ATF7IP2: variants seen among roughly 807,000 people sequenced by gnomAD.
The protein encoded by ATF7IP2 is activating transcription factor 7-interacting protein 2.
ATF7IP2 carries 42 observed loss-of-function variants against 64.2 expected under a neutral mutation model. The observed-to-expected ratio is 0.65, with a 90% CI of 0.51 to 0.85. The LOEUF (loss-of-function observed/expected upper bound fraction) is 0.85. Among genes scored for constraint, ATF7IP2 ranks in the 40% least tolerant of loss-of-function variants. The probability of loss-of-function intolerance (pLI) is 0.00; values close to 1 mark genes in which losing one functional copy is unlikely to be tolerated. For missense variants in ATF7IP2, 933 were observed against 784.2 expected (o/e 1.19, Z -2.27); for synonymous variants, 308 against 272.8 (o/e 1.13, Z -1.27).
chr16:10,439,972 C>G (rs2048558606), intron 7 of ATF7IP2, among the ~76,000 whole-genome samples: 2 of 151,686 alleles, frequency 1.3e-5, no homozygotes, highest in Admixed American at 6.6e-5. Flanking sequence ...ACCAGCCTGA[C>G]CAACATGGAG....
intron 2 of ATF7IP2, among the ~76,000 whole-genome samples, chr16:10,418,628 A>G (rs916955543): frequency 5.6e-4 from 86 of 152,314 alleles, no homozygotes; most frequent in African/African-American, 1.9e-3. Context: ...AGCTCCTTCA[A>G]GCACTCCAGT....
chr16:10,438,325 G>A, intron 7 of ATF7IP2, 90 bp downstream of exon 7: 1 of 1,329,418 alleles, frequency 7.5e-7, no homozygotes, highest in Non-Finnish European at 1.0e-6. Context: ...GCTCACTGCA[G>A]CCTCTGCCTT....
chr16:10,423,027 GA>G (rs2048017334), intron 3 of ATF7IP2, among the ~76,000 whole-genome samples: 1 of 152,188 alleles, frequency 6.6e-6, no homozygotes, highest in Admixed American at 6.5e-5. Flanking sequence ...GGCAGATCAC[GA>G]GGTCAGGAGA....
intron 9 of ATF7IP2, among the ~76,000 whole-genome samples, chr16:10,458,730 T>C (rs1203836042): frequency 6.6e-6 from 1 of 152,220 alleles, no homozygotes; most frequent in Non-Finnish European, 1.5e-5. Flanking sequence ...ACCCTAATAG[T>C]ATTATAAAAT....
chr16:10,482,037 C>G lies in ATF7IP2; in HGVS notation c.1837C>G (p.Leu613Val). 6.2e-7 allele frequency: 1 copy of G among 1,613,852 alleles called. No individual in the cohort carries two copies. Among genetic ancestry groups the G allele is most frequent in the Non-Finnish European group, 8.5e-7 (1 of 1,179,822 alleles). ...PKCAPVESYH[L>V]FLCHENSNNK... ...GTGTGCTCCTGTAGAAAGCTACCACCTCTTCCTGTGTCATGAGAACTCTAA... is the reference window on the plus strand; with the variant it reads ...GTGTGCTCCTGTAGAAAGCTACCACGTCTTCCTGTGTCATGAGAACTCTAA... The change falls in exon 14 of 14, where the codon CTC (leucine) becomes GTC (valine). Residue 613 changes from leucine (L) to valine (V), a missense_variant. By Grantham distance (32) the Leu-to-Val change is conservative (BLOSUM62 1). Coordinates refer to ENST00000562102, the MANE Select transcript of ATF7IP2 (RefSeq NM_001393719.1).
chr16:10,402,847 C>T (rs2047561606), intron 1 of ATF7IP2, among the ~76,000 whole-genome samples: 1 of 151,060 alleles, frequency 6.6e-6, no homozygotes, highest in African/African-American at 2.4e-5. Flanking sequence ...GCTGAGGCAG[C>T]AGGTTTGCTT....
intron 1 of ATF7IP2, among the ~76,000 whole-genome samples, chr16:10,395,414 G>C (rs375254743): frequency 1.3e-5 from 2 of 152,124 alleles, no homozygotes; most frequent in African/African-American, 4.8e-5. Flanking sequence ...AAATAGAAGA[G>C]GACAGAACAT....
chr16:10,452,413 G>A (rs1312550703), intron 8 of ATF7IP2, among the ~76,000 whole-genome samples: 1 of 152,176 alleles, frequency 6.6e-6, no homozygotes, highest in Non-Finnish European at 1.5e-5. Flanking sequence ...GACCTTGTTT[G>A]CCTGGGTATC....
chr16:10,419,795 A>G (rs114140023), intron 3 of ATF7IP2, among the ~76,000 whole-genome samples, 172 bp downstream of exon 3: 1,556 of 152,234 alleles, frequency 0.01, 29 homozygotes, highest in African/African-American at 0.035. Context: ...TTGGCTGTTG[A>G]TTCAGTCCTG....
chr16:10,472,079 T>C lies in ATF7IP2; in HGVS notation c.1353-31T>C, dbSNP rs901344222. 2.3e-6 allele frequency: 3 copies of C among 1,286,168 alleles called. No homozygotes were observed. In the African/African-American group the frequency reaches 4.4e-5, roughly 19 times the overall value. 79.7% of individuals were successfully genotyped at this position (1,286,168 alleles called of 1,614,324 possible). A position where few individuals can be genotyped will look rare whatever the true frequency, so the allele number is the denominator to read the frequency against. ...TTAAGCCTGATAATGCATGTTTAGTTTTTGTTTTTAATTTCTTTTTATCAT... is the reference window on the plus strand; with the variant it reads ...TTAAGCCTGATAATGCATGTTTAGTCTTTGTTTTTAATTTCTTTTTATCAT... On this transcript the variant is annotated intron_variant, in intron 9 of 13. Transcript: ENST00000562102.
intron 12 of ATF7IP2, among the ~76,000 whole-genome samples, chr16:10,477,416 A>G (rs1307542560): frequency 6.6e-6 from 1 of 152,210 alleles, no homozygotes; most frequent in African/African-American, 2.4e-5. Context: ...GCCTTTGACA[A>G]AATTCAACAA....
At chr16:10,471,910 G>T (rs1230085902) in intron 9 of ATF7IP2, 200 bp from the exon 10 acceptor site, 2 of 377,558 alleles carry the variant, frequency 5.3e-6, no homozygotes, top group South Asian at 5.7e-5. Context: ...GGATTTTGAT[G>T]AATCTTTAGT....
Position 10,473,957 on chromosome 16 carries a change from T to G in ATF7IP2, c.1517T>G (p.Leu506Trp), listed in dbSNP as rs1567176863. Residue 506 changes from leucine to tryptophan, a missense_variant, in exon 12 of 14, where the codon TTG becomes TGG. Transcript: ENST00000562102. ...VQKKLDSIIDLTKEGLSNCNT... is the reference protein window; with the variant it reads ...VQKKLDSIIDWTKEGLSNCNT... ...AAGAAACTTGATTCTATAATTGATT[T>G]GACAAAAGAAGGCCTATCCAACTGC... The G allele has an allele frequency of 6.3e-7, 1 of 1,593,928 alleles. No individual in the cohort carries two copies. Among genetic ancestry groups the G allele is most frequent in the Non-Finnish European group, 8.6e-7 (1 of 1,165,408 alleles).
intron 12 of ATF7IP2, 55 bp downstream of exon 12, chr16:10,474,044 C>T: frequency 8.8e-7 from 1 of 1,137,118 alleles, no homozygotes; most frequent in Non-Finnish European, 1.3e-6. Context: ...GGTAACAACT[C>T]ATAATGCACT....
rs1399125736 is a variant in ATF7IP2 at position 10,474,009 on chromosome 16, C to G, written c.1549+20C>G. 1.3e-6 allele frequency: 2 copies of G among 1,506,820 alleles called. No homozygotes were observed. The highest frequency in any genetic ancestry group is 1.4e-5 in the African/African-American group (1 of 69,038). The allele number at this position is 1,506,820 out of a possible 1,614,324, so 93.3% of individuals were successfully genotyped here. A position where few individuals can be genotyped will look rare whatever the true frequency, so the allele number is the denominator to read the frequency against. On this transcript the variant is annotated intron_variant, in intron 12 of 13. Transcript: ENST00000562102. ...ATACAGGTAAAAGGATTTTTTAGAT[C>G]TTTCTTTTGTAAAAAGGAGGGAAGG...
chr16:10,392,567 AC>A (rs1309951791), intron 1 of ATF7IP2, among the ~76,000 whole-genome samples: 1 of 152,112 alleles, frequency 6.6e-6, no homozygotes, highest in African/African-American at 2.4e-5. Flanking sequence ...CACCATTCAC[AC>A]AGAAATTGTT....
chr16:10,395,585 C>T (rs1170967025), intron 1 of ATF7IP2, among the ~76,000 whole-genome samples: 1 of 152,038 alleles, frequency 6.6e-6, no homozygotes, highest in Non-Finnish European at 1.5e-5. Context: ...AAGGATTATA[C>T]ACCATGACCA....
intron 5 of ATF7IP2, 99 bp from the exon 6 acceptor site, chr16:10,433,426 T>C: frequency 5.3e-6 from 6 of 1,134,560 alleles, no homozygotes; most frequent in Non-Finnish European, 7.5e-6. Flanking sequence ...CCTCCCTCCT[T>C]AGCCTCCCAG....
intron 1 of ATF7IP2, among the ~76,000 whole-genome samples, chr16:10,412,649 G>A (rs1283754347): frequency 6.6e-6 from 1 of 152,108 alleles, no homozygotes; most frequent in Admixed American, 6.5e-5. Context: ...TGTATATTCT[G>A]CAGTTGTTGG....
Sources: allele counts gnomAD v4.1 joint callset (sites outside exome capture counted in the v4.1 genomes callset), GRCh38; gene constraint gnomAD v4.1.1; transcripts MANE v1.5; gene names NCBI Gene and HGNC (gene_info 2026-07-23, HGNC 2026-07-21).